TNNC1: variants seen among roughly 807,000 people sequenced by gnomAD.
TNNC1 encodes troponin C1, slow skeletal and cardiac type, also known as troponin C, slow skeletal and cardiac muscles.
In TNNC1, 10 loss-of-function variants were observed where a neutral mutation model predicts 19.6. That is an observed-to-expected ratio of 0.51 (90% CI 0.31 to 0.87). The LOEUF (loss-of-function observed/expected upper bound fraction) is 0.87, where lower values mean the gene tolerates loss of function less well. Among genes scored for constraint, TNNC1 ranks in the 40% least tolerant of loss-of-function variants. The probability of loss-of-function intolerance (pLI) is 0.04; values close to 1 mark genes in which losing one functional copy is unlikely to be tolerated. For missense variants in TNNC1, 115 were observed against 219.8 expected (o/e 0.52, Z 3.02); for synonymous variants, 85 against 80.1 (o/e 1.06, Z -0.33).
chr3:52,453,934 G>A, intron 1 of TNNC1, 58 bp downstream of exon 1: 7 of 1,557,442 alleles, frequency 4.5e-6, no homozygotes, highest in Non-Finnish European at 6.1e-6. Flanking sequence ...CGCACTCTCA[G>A]CTGAGTGAGC....
rs1392700089 is a variant in TNNC1 at position 52,451,245 on chromosome 3, G to A, written c.*30C>T. On this transcript the variant is annotated 3_prime_UTR_variant, in exon 6 of 6. Coordinates refer to ENST00000232975, the MANE Select transcript of TNNC1 (RefSeq NM_003280.3). This position sits in a 1 kb window ranked among gnomAD's most constrained non-coding sequence, Gnocchi z 4.8. ...GGACTCAGCTGGAGTTGGAGGCTGG[G>A]CATAGGCAGCTCTGGGTGAAGGTCA... is the stretch of plus-strand genomic sequence containing the variant. 2 of 1,613,850 alleles carry A rather than the reference G, an allele frequency of 1.2e-6. No homozygotes were observed. Among genetic ancestry groups the A allele is most frequent in the African/African-American group, 2.7e-5 (2 of 74,908 alleles).
In TNNC1 at chr3:52,451,457, C is replaced by G; in HGVS notation, c.388G>C (p.Glu130Gln). 6.2e-7 allele frequency: 1 copy of G among 1,614,174 alleles called. No homozygotes were observed. Among genetic ancestry groups the G allele is most frequent in the South Asian group, 1.1e-5 (1 of 91,090 alleles). The change falls in exon 5 of 6, where the codon GAG becomes CAG. Residue 130 changes from glutamate (E) to glutamine (Q), a missense_variant. Glu to Gln is a conservative substitution (Grantham distance 29). Transcript: ENST00000232975. The surrounding 1 kb of genome is among the most constrained non-coding windows in gnomAD (Gnocchi z 4.8). ...TTCATGAGCTCCTCGATGTCGTCCT[C>G]CGTGATGGTCTCGCCTGTAGCCTGC... is the stretch of plus-strand genomic sequence containing the variant. ...MLQATGETIT[E>Q]DDIEELMKDG...
chr3:52,451,628 C>T lies in TNNC1; in HGVS notation c.318-101G>A. 6.4e-7 allele frequency: 1 copy of T among 1,565,568 alleles called. No homozygotes were observed. Among genetic ancestry groups the T allele is most frequent in the East Asian group, 2.2e-5 (1 of 44,630 alleles). Reference sequence around the variant, plus strand: ...AGGGACACTGGGAGATGGGGCATCCCTCTCCCCTATCAGGCAGAGGCCACA... The same window carrying T: ...AGGGACACTGGGAGATGGGGCATCCTTCTCCCCTATCAGGCAGAGGCCACA... On this transcript the variant is annotated intron_variant, in intron 4 of 5. Coordinates refer to ENST00000232975, the MANE Select transcript of TNNC1 (RefSeq NM_003280.3). The surrounding 1 kb of genome is among the most constrained non-coding windows in gnomAD (Gnocchi z 4.8).
Position 52,452,012 on chromosome 3 carries a change from C to T in TNNC1, c.202+94G>A, listed in dbSNP as rs905421807. On this transcript the variant is annotated intron_variant, in intron 3 of 5. Transcript: ENST00000232975. The surrounding 1 kb of genome is among the most constrained non-coding windows in gnomAD (Gnocchi z 5.2). ...TTTTATAGATGAGGCAACCAAGGCT[C>T]GGATAGGCTAAATTGCTCCCAGCTA... 5.6e-6 allele frequency: 9 copies of T among 1,599,096 alleles called. No individual in the cohort carries two copies. The African/African-American group carries it at 8.0e-5, about 14-fold the overall frequency.
rs1706329957 is a variant in TNNC1, at chr3:52,451,715, G to C, written c.317+29C>G. 30 of 1,606,218 alleles carry C rather than the reference G, an allele frequency of 1.9e-5. No individual in the cohort carries two copies. The East Asian group carries it at 6.2e-4, about 33-fold the overall frequency. ...TACAGCTCGGCTTGAGTGTGGGTCAGGGTCAGAGGTCAAGGGTCACGTGCT... is the reference window on the plus strand; with the variant it reads ...TACAGCTCGGCTTGAGTGTGGGTCACGGTCAGAGGTCAAGGGTCACGTGCT... On this transcript the variant is annotated intron_variant, in intron 4 of 5. Transcript: ENST00000232975. This position sits in a 1 kb window ranked among gnomAD's most constrained non-coding sequence, Gnocchi z 4.8.
Position 52,451,869 on chromosome 3 carries a change from G to A in TNNC1, c.203-11C>T. 6.2e-7 allele frequency: 1 copy of A among 1,612,980 alleles called. No homozygotes were observed. The highest frequency in any genetic ancestry group is 8.5e-7 in the Non-Finnish European group (1 of 1,179,134). ...CCACCGTGCCGCTGCCTGGGGGTGG[G>A]CAGCATGGCCGTTACAGAGGCCAGG... On this transcript the variant is annotated splice_polypyrimidine_tract_variant and intron_variant, in intron 3 of 5. Transcript: ENST00000232975. The surrounding 1 kb of genome is among the most constrained non-coding windows in gnomAD (Gnocchi z 4.8).
chr3:52,453,247 C>T (rs539004827), intron 1 of TNNC1, among the ~76,000 whole-genome samples: 1 of 152,296 alleles, frequency 6.6e-6, no homozygotes, highest in East Asian at 1.9e-4. Flanking sequence ...GTCACCACCA[C>T]CCAGGATAGA....
In TNNC1 at chr3:52,452,896, C is replaced by T. The variant is rs763113010; in HGVS notation, c.25-383G>A. ...AGGCAAGCCACCCACGGTAACCTGA[C>T]CAGGGTGGCCACTGGGCTATTTTTA... On this transcript the variant is annotated intron_variant, in intron 1 of 5. Coordinates refer to ENST00000232975, the MANE Select transcript of TNNC1 (RefSeq NM_003280.3). This position sits in a 1 kb window ranked among gnomAD's most constrained non-coding sequence, Gnocchi z 5.2. 2.4e-4 allele frequency: 83 copies of T among 340,688 alleles called. No homozygotes were observed. In the Middle Eastern group the frequency reaches 2.9e-3, roughly 12 times the overall value. 21.1% of individuals were successfully genotyped at this position (340,688 alleles called of 1,614,324 possible). A position where few individuals can be genotyped will look rare whatever the true frequency, so the allele number is the denominator to read the frequency against.
chr3:52,452,675 C>A lies in TNNC1; in HGVS notation c.25-162G>T, dbSNP rs1357084861. ...TCCCTCCCTGCCCCCAAAGCCCTGA[C>A]GTGACCCAGCTGGCCTCACTGCGAC... On this transcript the variant is annotated intron_variant, in intron 1 of 5. Transcript: ENST00000232975. This position sits in a 1 kb window ranked among gnomAD's most constrained non-coding sequence, Gnocchi z 5.2. 3 of 798,692 alleles carry A rather than the reference C, an allele frequency of 3.8e-6. No homozygotes were observed. In the Admixed American group the frequency reaches 6.1e-5, roughly 16 times the overall value. The allele number at this position is 798,692 out of a possible 1,614,324, so 49.5% of individuals were successfully genotyped here.
Position 52,451,621 on chromosome 3 carries a change from G to A in TNNC1, c.318-94C>T. On this transcript the variant is annotated intron_variant, in intron 4 of 5. Transcript: ENST00000232975. The surrounding 1 kb of genome is among the most constrained non-coding windows in gnomAD (Gnocchi z 4.8). ...GCAGAGCAGGGACACTGGGAGATGG[G>A]GCATCCCTCTCCCCTATCAGGCAGA... 6.4e-7 allele frequency: 1 copy of A among 1,570,434 alleles called. No homozygotes were observed. The highest frequency in any genetic ancestry group is 8.8e-7 in the Non-Finnish European group (1 of 1,141,078).
chr3:52,452,748 G>C lies in TNNC1; in HGVS notation c.25-235C>G. Reference sequence around the variant, plus strand: ...GGTGGGCACCCCCTTCAGGACCAAGGTGACCCTCAGTAACAATAGTCAGTG... The same window carrying C: ...GGTGGGCACCCCCTTCAGGACCAAGCTGACCCTCAGTAACAATAGTCAGTG... On this transcript the variant is annotated intron_variant, in intron 1 of 5. Coordinates refer to ENST00000232975, the MANE Select transcript of TNNC1 (RefSeq NM_003280.3). The surrounding 1 kb of genome is among the most constrained non-coding windows in gnomAD (Gnocchi z 5.2). The C allele has an allele frequency of 1.7e-6, 1 of 602,414 alleles. No individual in the cohort carries two copies. Among genetic ancestry groups the C allele is most frequent in the Non-Finnish European group, 3.0e-6 (1 of 336,858 alleles). 37.3% of individuals were successfully genotyped at this position (602,414 alleles called of 1,614,324 possible).
rs1553651630 is a variant in TNNC1 at position 52,451,412 on chromosome 3, CGTT to C, written c.430_432del (p.Asn144del). On this transcript the variant is annotated inframe_deletion, in exon 5 of 6. Transcript: ENST00000232975. This position sits in a 1 kb window ranked among gnomAD's most constrained non-coding sequence, Gnocchi z 4.8. Reference sequence around the variant, plus strand: ...TTACCATCATAGTCGATGCGGCCGTCGTTGTTCTTGTCTCCGTCCTTCATGAGC... The same window carrying C: ...TTACCATCATAGTCGATGCGGCCGTCGTTCTTGTCTCCGTCCTTCATGAGC... 2.5e-6 allele frequency: 4 copies of C among 1,614,138 alleles called. No individual in the cohort carries two copies. The highest frequency in any genetic ancestry group is 1.3e-5 in the African/African-American group (1 of 75,016).
rs961065900 is a variant in TNNC1, at chr3:52,451,689, G to A, written c.317+55C>T. 4.2e-5 allele frequency: 67 copies of A among 1,590,772 alleles called. No individual in the cohort carries two copies. The East Asian group carries it at 4.2e-4, about 10-fold the overall frequency. On this transcript the variant is annotated intron_variant, in intron 4 of 5. Coordinates refer to ENST00000232975, the MANE Select transcript of TNNC1 (RefSeq NM_003280.3). The surrounding 1 kb of genome is among the most constrained non-coding windows in gnomAD (Gnocchi z 4.8). ...GCCTGGAATCTGAGACTGCCCTCCT[G>A]TACAGCTCGGCTTGAGTGTGGGTCA...
At position 52,453,998 on chromosome 3, in the gene TNNC1, C is replaced by T. The variant is rs775249696; in HGVS notation, c.18G>A (p.Lys6=). The change falls in exon 1 of 6, where the codon AAG becomes AAA. Residue 6 remains lysine (K), a synonymous_variant. Transcript: ENST00000232975. ...ACCCAGCCCTGTCCCTCACCGCAGC[C>T]TTGTAGATGTCATCCATGCTGGCGG... MDDIY[K]AAVEQLTEEQ... 1.3e-6 allele frequency: 2 copies of T among 1,588,496 alleles called. No homozygotes were observed. Among genetic ancestry groups the T allele is most frequent in the Non-Finnish European group, 1.7e-6 (2 of 1,166,036 alleles).
At position 52,452,597 on chromosome 3, in the gene TNNC1, T is replaced by C. The variant is rs371023549; in HGVS notation, c.25-84A>G. Reference sequence around the variant, plus strand: ...CAACCCATTCCACAGGTGAGAAGGCTGGAGCTGGAGGAGGCAGGCTATTTC... The same window carrying C: ...CAACCCATTCCACAGGTGAGAAGGCCGGAGCTGGAGGAGGCAGGCTATTTC... On this transcript the variant is annotated intron_variant, in intron 1 of 5. Transcript: ENST00000232975. The surrounding 1 kb of genome is among the most constrained non-coding windows in gnomAD (Gnocchi z 5.2). 7.9e-5 allele frequency: 114 copies of C among 1,442,364 alleles called. No homozygotes were observed. In the African/African-American group the frequency reaches 8.4e-4, roughly 11 times the overall value. 89.3% of individuals were successfully genotyped at this position (1,442,364 alleles called of 1,614,324 possible). A position where few individuals can be genotyped will look rare whatever the true frequency, so the allele number is the denominator to read the frequency against.
chr3:52,453,923 C>T, intron 1 of TNNC1, 69 bp downstream of exon 1: 1 of 1,542,754 alleles, frequency 6.5e-7, no homozygotes. Flanking sequence ...GCTACTAACC[C>T]CGCACTCTCA....
chr3:52,452,056 G>GC lies in TNNC1; in HGVS notation c.202+49dup. 1.9e-6 allele frequency: 3 copies of GC among 1,612,838 alleles called. No homozygotes were observed. The South Asian group carries it at 3.3e-5, about 18-fold the overall frequency. On this transcript the variant is annotated intron_variant, in intron 3 of 5. Coordinates refer to ENST00000232975, the MANE Select transcript of TNNC1 (RefSeq NM_003280.3). The surrounding 1 kb of genome is among the most constrained non-coding windows in gnomAD (Gnocchi z 5.2). ...CCAGCTAAACAGAGCCAGCATTCCAGCCCCCAGCCAGCTGGGGTTCTTCTG... is the reference window on the plus strand; with the variant it reads ...CCAGCTAAACAGAGCCAGCATTCCAGCCCCCCAGCCAGCTGGGGTTCTTCTG...
rs1215006451 is a variant in TNNC1 at position 52,454,031 on chromosome 3, G to T, written c.-16C>A. On this transcript the variant is annotated 5_prime_UTR_variant, in exon 1 of 6. Transcript: ENST00000232975. ...TGTCATCCATGCTGGCGGCTCACAG[G>T]ACAGCTTGCTGGGGTTGCCAGCCGG... 6.4e-7 allele frequency: 1 copy of T among 1,572,052 alleles called. No individual in the cohort carries two copies. The highest frequency in any genetic ancestry group is 1.2e-5 in the South Asian group (1 of 85,872).
rs1706337857 is a variant in TNNC1 at position 52,452,082 on chromosome 3, G to C, written c.202+24C>G. ...CCCCCAGCCAGCTGGGGTTCTTCTG[G>C]AGCCTGGGGAGGAGGGGGCTCACCG... is the stretch of plus-strand genomic sequence containing the variant. On this transcript the variant is annotated intron_variant, in intron 3 of 5. Coordinates refer to ENST00000232975, the MANE Select transcript of TNNC1 (RefSeq NM_003280.3). The surrounding 1 kb of genome is among the most constrained non-coding windows in gnomAD (Gnocchi z 5.2). The C allele has an allele frequency of 5.0e-6, 8 of 1,613,594 alleles. No homozygotes were observed. The highest frequency in any genetic ancestry group is 5.9e-6 in the Non-Finnish European group (7 of 1,179,984).
Sources: allele counts gnomAD v4.1 joint callset (sites outside exome capture counted in the v4.1 genomes callset), GRCh38; gene constraint gnomAD v4.1.1; non-coding constraint Gnocchi (gnomAD v3.1); transcripts MANE v1.5; gene names NCBI Gene and HGNC (gene_info 2026-07-23, HGNC 2026-07-21).